LHFPL4: variants seen among roughly 807,000 people sequenced by gnomAD.
LHFPL4 encodes the protein LHFPL tetraspan subfamily member 4 protein.
Under a neutral mutation model 20.0 loss-of-function variants are expected in LHFPL4, and 6 were observed. The ratio of observed to expected loss-of-function variants is 0.30; its 90% confidence interval spans 0.16 to 0.59. The LOEUF (loss-of-function observed/expected upper bound fraction) is 0.59, where lower values mean the gene tolerates loss of function less well. Ranked by LOEUF, LHFPL4 falls within the 20% of genes least tolerant of loss-of-function variation. The probability of loss-of-function intolerance (pLI) is 0.88; values close to 1 mark genes in which losing one functional copy is unlikely to be tolerated. For missense variants in LHFPL4, 215 were observed against 331.2 expected, an observed-to-expected ratio of 0.65 and a Z score of 2.72; for synonymous variants, 129 against 143.8, an observed-to-expected ratio of 0.90 and a Z score of 0.74.
chr3:9,506,285 GC>G lies in LHFPL4; in HGVS notation c.407-83del. The G allele has an allele frequency of 8.8e-7, 1 of 1,139,452 alleles. No individual in the cohort carries two copies. The highest frequency in any genetic ancestry group is 1.3e-5 in the South Asian group (1 of 76,592). The allele number at this position is 1,139,452 out of a possible 1,614,324, so 70.6% of individuals were successfully genotyped here. Reference sequence around the variant, plus strand: ...TTACTCGCTAGTGTCCGCAGTCTGGGCCCCACCCTATTGAGGGCACATCAAC... The same window carrying G: ...TTACTCGCTAGTGTCCGCAGTCTGGGCCCACCCTATTGAGGGCACATCAAC... On this transcript the variant is annotated intron_variant, in intron 2 of 3. Transcript: ENST00000287585. This position sits in a 1 kb window ranked among gnomAD's most constrained non-coding sequence, Gnocchi z 4.5.
Position 9,506,673 on chromosome 3 carries a change from CG to C in LHFPL4, c.407-471del, listed in dbSNP as rs35366919. Among the ~76,000 whole-genome samples the C allele has an allele frequency of 0.64, 97,584 of 151,890 alleles. 31,718 individuals carry two copies. Among genetic ancestry groups the C allele is most frequent in the East Asian group, 0.92 (4,727 of 5,154 alleles). On this transcript the variant is annotated intron_variant, in intron 2 of 3. Transcript: ENST00000287585. This position sits in a 1 kb window ranked among gnomAD's most constrained non-coding sequence, Gnocchi z 4.5. ...TCGGCTCACTGTAACCTCCACCTCC[CG>C]GGCTCAAGCAATTCTCCTGCCTCAG...
At chr3:9,512,131 A>ACC (rs776416056) in intron 2 of LHFPL4, among the ~76,000 whole-genome samples, 4 of 152,090 alleles carry the variant, frequency 2.6e-5, no homozygotes, top group Non-Finnish European at 5.9e-5. Context: ...ACGGGGTTTC[A>ACC]AGTGTTAGCC....
rs138399101 is a variant in LHFPL4 at position 9,512,208 on chromosome 3, G to T, written c.407-6005C>A. Among the ~76,000 whole-genome samples the T allele has an allele frequency of 6.2e-3, 951 of 152,302 alleles. 5 individuals are homozygous for T. The highest frequency in any genetic ancestry group is 0.011 in the Admixed American group (175 of 15,306). On this transcript the variant is annotated intron_variant, in intron 2 of 3. Transcript: ENST00000287585. ...GGCCTCCCACAGTGCTGGGATTACA[G>T]GCGTGAGCCACCGCGCCGGCCTACA...
At position 9,514,603 on chromosome 3, in the gene LHFPL4, T is replaced by C. The variant is rs140239990; in HGVS notation, c.407-8400A>G. ...GTGTAATGACGTTTATGTACCATTGTAGCATATCATACAGAGTATTTTCAC... is the reference window on the plus strand; with the variant it reads ...GTGTAATGACGTTTATGTACCATTGCAGCATATCATACAGAGTATTTTCAC... On this transcript the variant is annotated intron_variant, in intron 2 of 3. Coordinates refer to ENST00000287585, the MANE Select transcript of LHFPL4 (RefSeq NM_198560.3). Among the ~76,000 whole-genome samples the C allele has an allele frequency of 1.1e-4, 17 of 152,352 alleles. No homozygotes were observed. In the East Asian group the frequency reaches 3.3e-3, roughly 29 times the overall value.
intron 2 of LHFPL4, among the ~76,000 whole-genome samples, chr3:9,542,266 C>G (rs1470343678): frequency 6.6e-6 from 1 of 151,248 alleles, no homozygotes; most frequent in Non-Finnish European, 1.5e-5. Flanking sequence ...AGCCTGGGCA[C>G]CAGAGCGAGA....
At chr3:9,546,771 C>T (rs1003453748) in intron 2 of LHFPL4, among the ~76,000 whole-genome samples, 2 of 152,212 alleles carry the variant, frequency 1.3e-5, no homozygotes, top group African/African-American at 4.8e-5. Flanking sequence ...GCTCTTCCCT[C>T]GGACTATGTC....
At chr3:9,523,631 C>G (rs1317372693) in intron 2 of LHFPL4, among the ~76,000 whole-genome samples, 1 of 151,828 alleles carries the variant, frequency 6.6e-6, no homozygotes, top group Non-Finnish European at 1.5e-5. Context: ...TGCCACCATG[C>G]CCAGCTAATT....
Position 9,534,287 on chromosome 3 carries a change from C to T in LHFPL4, c.406+17987G>A, listed in dbSNP as rs142702072. Among the ~76,000 whole-genome samples, 335 of 151,816 alleles carry T rather than the reference C, an allele frequency of 2.2e-3. 2 individuals carry two copies. The highest frequency in any genetic ancestry group is 7.6e-3 in the African/African-American group (313 of 41,392). The stretch of plus-strand genomic sequence containing the variant: ...GTAAACATTGGAAATAACTTAAATG[C>T]CCACCGATAGGTAACTGATTAGGTA... On this transcript the variant is annotated intron_variant, in intron 2 of 3. Transcript: ENST00000287585.
chr3:9,544,561 G>C (rs961429869), intron 2 of LHFPL4, among the ~76,000 whole-genome samples: 1 of 152,222 alleles, frequency 6.6e-6, no homozygotes, highest in Non-Finnish European at 1.5e-5. Context: ...GGAGGCAGAG[G>C]TTGCAGTGAG....
In LHFPL4 at chr3:9,498,959, C is replaced by T. The variant is rs1318740132; in HGVS notation, c.*3252G>A. The T allele has an allele frequency of 6.6e-6, 1 of 152,314 alleles. No individual in the cohort carries two copies. Among genetic ancestry groups the T allele is most frequent in the Non-Finnish European group, 1.5e-5 (1 of 68,064 alleles). 9.4% of individuals were successfully genotyped at this position (152,314 alleles called of 1,614,324 possible). ...CCGGTTCCCAGAAGGACTCAACTGA[C>T]CAGACTGTGGGCCAGGGACTGAACC... On this transcript the variant is annotated 3_prime_UTR_variant, in exon 4 of 4. Transcript: ENST00000287585.
At chr3:9,516,116 CAG>C (rs1468903756) in intron 2 of LHFPL4, among the ~76,000 whole-genome samples, 1 of 152,132 alleles carries the variant, frequency 6.6e-6, no homozygotes, top group Non-Finnish European at 1.5e-5. Context: ...TAATGAAGTC[CAG>C]CTTACCAACA....
chr3:9,528,056 A>G (rs1457973170), intron 2 of LHFPL4, among the ~76,000 whole-genome samples: 2 of 152,204 alleles, frequency 1.3e-5, no homozygotes, highest in Non-Finnish European at 2.9e-5. Context: ...TTGCTAAATT[A>G]TCATCTGAGC....
At chr3:9,520,183 G>T (rs77439642) in intron 2 of LHFPL4, among the ~76,000 whole-genome samples, 2 of 151,974 alleles carry the variant, frequency 1.3e-5, no homozygotes, top group Non-Finnish European at 2.9e-5. Flanking sequence ...TGGCTGCATG[G>T]TAGGGCTCAC....
rs966392749 is a variant in LHFPL4, at chr3:9,499,207, C to G, written c.*3004G>C. 1 of 152,392 alleles carries G rather than the reference C, an allele frequency of 6.6e-6. No individual in the cohort carries two copies. The highest frequency in any genetic ancestry group is 1.5e-5 in the Non-Finnish European group (1 of 68,212). The allele number at this position is 152,392 out of a possible 1,614,324, so 9.4% of individuals were successfully genotyped here. A position where few individuals can be genotyped will look rare whatever the true frequency, so the allele number is the denominator to read the frequency against. On this transcript the variant is annotated 3_prime_UTR_variant, in exon 4 of 4. Transcript: ENST00000287585. ...GCTTACCTCCTCCTGAAGGCTAAAG[C>G]CAGATCGCCCGACGAGAGCAGAGGC...
intron 2 of LHFPL4, among the ~76,000 whole-genome samples, chr3:9,531,365 C>T (rs1281301672): frequency 6.6e-6 from 1 of 152,114 alleles, no homozygotes; most frequent in Non-Finnish European, 1.5e-5. Context: ...TAAAGCAAAG[C>T]ACAATAAAAC....
At chr3:9,537,774 C>G (rs542499903) in intron 2 of LHFPL4, among the ~76,000 whole-genome samples, 1 of 152,250 alleles carries the variant, frequency 6.6e-6, no homozygotes, top group Admixed American at 6.5e-5. Flanking sequence ...CTTAAGGTTG[C>G]TGTTCCCTAG....
chr3:9,533,508 T>C (rs1382667203), intron 2 of LHFPL4, among the ~76,000 whole-genome samples: 2 of 152,070 alleles, frequency 1.3e-5, no homozygotes, highest in African/African-American at 2.4e-5. Context: ...TCAGGCCGGG[T>C]GCGGTGGCTC....
chr3:9,523,098 G>A (rs374441618), intron 2 of LHFPL4, among the ~76,000 whole-genome samples: 16 of 79,576 alleles, frequency 2.0e-4, no homozygotes, highest in South Asian at 1.0e-3. Flanking sequence ...GAAAGAGAGA[G>A]AGAGAGAGAA....
intron 2 of LHFPL4, among the ~76,000 whole-genome samples, chr3:9,513,813 G>T (rs893391551): frequency 6.6e-6 from 1 of 152,174 alleles, no homozygotes; most frequent in African/African-American, 2.4e-5. Flanking sequence ...TGCTTCTCAA[G>T]GTCACAAGGT....
Sources: allele counts gnomAD v4.1 joint callset (sites outside exome capture counted in the v4.1 genomes callset), GRCh38; gene constraint gnomAD v4.1.1; non-coding constraint Gnocchi (gnomAD v3.1); transcripts MANE v1.5; gene names NCBI Gene and HGNC (gene_info 2026-07-23, HGNC 2026-07-21).